EPHA6: variants seen among roughly 807,000 people sequenced by gnomAD.
The protein encoded by EPHA6 is EPH receptor A6, also known as ephrin type-A receptor 6.
In EPHA6, 50 loss-of-function variants were observed where a neutral mutation model predicts 112.0. That is an observed-to-expected ratio of 0.45 (90% CI 0.36 to 0.56). EPHA6 has a LOEUF of 0.56. Among genes scored for constraint, EPHA6 ranks in the 20% least tolerant of loss-of-function variants. The pLI, the probability that EPHA6 is intolerant of heterozygous loss-of-function variation, is 0.00. For missense variants in EPHA6, 1,280 were observed against 1,417.4 expected (o/e 0.90, Z 1.56); for synonymous variants, 529 against 490.7 (o/e 1.08, Z -1.03).
In EPHA6 at chr3:97,142,539, CTT is replaced by C. The variant is rs556803671; in HGVS notation, c.1115-83723_1115-83722del. On this transcript the variant is annotated intron_variant, in intron 3 of 17. Coordinates refer to ENST00000389672, the MANE Select transcript of EPHA6 (RefSeq NM_001080448.3). ...TCATCAGAGACTACTACTAGTATGT[CTT>C]TGTGTGTAAACTAGAAAACCTAGAG... is the stretch of plus-strand genomic sequence containing the variant. Among the ~76,000 whole-genome samples the C allele has an allele frequency of 4.7e-3, 709 of 152,062 alleles. 6 individuals carry two copies. Among genetic ancestry groups the C allele is most frequent in the African/African-American group, 0.015 (634 of 41,554 alleles).
intron 1 of EPHA6, among the ~76,000 whole-genome samples, chr3:96,840,527 T>G (rs1283593671): frequency 6.6e-6 from 1 of 151,926 alleles, no homozygotes; most frequent in Non-Finnish European, 1.5e-5. Context: ...TGAGCAAGAG[T>G]GATAGCAGCA....
At chr3:97,660,292 C>T (rs1231009599) in intron 14 of EPHA6, among the ~76,000 whole-genome samples, 2 of 151,996 alleles carry the variant, frequency 1.3e-5, no homozygotes, top group Non-Finnish European at 2.9e-5. Flanking sequence ...GTCACATTTT[C>T]ATCAATATAG....
chr3:97,022,081 A>G (rs2044481602), intron 3 of EPHA6, among the ~76,000 whole-genome samples: 1 of 152,162 alleles, frequency 6.6e-6, no homozygotes, highest in South Asian at 2.1e-4. Flanking sequence ...TTGTTGAATA[A>G]ATGTTTTCTT....
At chr3:97,324,728 T>C (rs534380113) in intron 5 of EPHA6, among the ~76,000 whole-genome samples, 3 of 151,950 alleles carry the variant, frequency 2.0e-5, no homozygotes, top group East Asian at 3.9e-4. Context: ...TTAGTAGAGA[T>C]GGGGTTTCAC....
intron 4 of EPHA6, among the ~76,000 whole-genome samples, chr3:97,241,981 A>T (rs899651498): frequency 6.6e-6 from 1 of 151,602 alleles, no homozygotes; most frequent in African/African-American, 2.4e-5. Flanking sequence ...TCCTAGACTA[A>T]GTCTAGGTTG....
At chr3:97,554,359 T>G (rs1362024099) in intron 11 of EPHA6, among the ~76,000 whole-genome samples, 1 of 152,162 alleles carries the variant, frequency 6.6e-6, no homozygotes, top group Non-Finnish European at 1.5e-5. Flanking sequence ...CACATTTATA[T>G]CTACACTTAT....
chr3:96,898,101 T>A (rs1394352367), intron 2 of EPHA6, among the ~76,000 whole-genome samples: 1 of 152,218 alleles, frequency 6.6e-6, no homozygotes, highest in African/African-American at 2.4e-5. Context: ...GTCTGTTTTG[T>A]TGCAAATATT....
chr3:96,971,628 A>G (rs1440481206), intron 2 of EPHA6, among the ~76,000 whole-genome samples: 1 of 152,188 alleles, frequency 6.6e-6, no homozygotes, highest in African/African-American at 2.4e-5. Flanking sequence ...TAGAATAAGA[A>G]GACTTCTTTA....
rs142889524 is a variant in EPHA6, at chr3:97,321,052, T to C, written c.1606+76765T>C. Among the ~76,000 whole-genome samples the C allele has an allele frequency of 1.9e-3, 294 of 152,082 alleles. 5 individuals carry two copies. The highest frequency in any genetic ancestry group is 7.0e-3 in the African/African-American group (288 of 41,420). On this transcript the variant is annotated intron_variant, in intron 5 of 17. Coordinates refer to ENST00000389672, the MANE Select transcript of EPHA6 (RefSeq NM_001080448.3). ...TTTTTTCTGTCTTTATTTTGACCTT[T>C]CATATGATTTCATCTAAGATTCATC...
At chr3:97,562,830 G>A (rs1263075234) in intron 11 of EPHA6, among the ~76,000 whole-genome samples, 5 of 152,102 alleles carry the variant, frequency 3.3e-5, no homozygotes, top group African/African-American at 7.2e-5. Flanking sequence ...CCCAACGTTC[G>A]GATACATCAG....
chr3:97,506,309 G>T (rs1232146842), intron 10 of EPHA6, among the ~76,000 whole-genome samples: 3 of 152,126 alleles, frequency 2.0e-5, no homozygotes, highest in African/African-American at 7.2e-5. Flanking sequence ...AGTTTTTATG[G>T]TTTTAGGTCT....
chr3:96,927,808 A>G (rs2040115574), intron 2 of EPHA6, among the ~76,000 whole-genome samples: 1 of 152,094 alleles, frequency 6.6e-6, no homozygotes, highest in African/African-American at 2.4e-5. Flanking sequence ...CCGGGTACCA[A>G]TTTCCTGTAT....
chr3:96,928,115 C>T (rs1215528358), intron 2 of EPHA6, among the ~76,000 whole-genome samples: 1 of 152,156 alleles, frequency 6.6e-6, no homozygotes, highest in Admixed American at 6.5e-5. Flanking sequence ...CAGGTCCTTC[C>T]CTGGACATGT....
At chr3:97,087,537 TGGGTG>T (rs2046940216) in intron 3 of EPHA6, among the ~76,000 whole-genome samples, 1 of 152,138 alleles carries the variant, frequency 6.6e-6, no homozygotes. Context: ...GCTAGGCAGG[TGGGTG>T]TTCAAAACCA....
intron 13 of EPHA6, among the ~76,000 whole-genome samples, chr3:97,616,531 T>C (rs1395940028): frequency 6.6e-6 from 1 of 152,080 alleles, no homozygotes; most frequent in Non-Finnish European, 1.5e-5. Context: ...CTAAAAATCA[T>C]GATAAAACAT....
intron 1 of EPHA6, among the ~76,000 whole-genome samples, chr3:96,835,193 C>A (rs943528363): frequency 6.6e-6 from 1 of 152,010 alleles, no homozygotes; most frequent in Non-Finnish European, 1.5e-5. Context: ...ATTGGCCCTG[C>A]ATTGGAGATA....
At chr3:97,358,765 G>T (rs1258529690) in intron 5 of EPHA6, among the ~76,000 whole-genome samples, 1 of 151,782 alleles carries the variant, frequency 6.6e-6, no homozygotes, top group Non-Finnish European at 1.5e-5. Flanking sequence ...AATTGACTCA[G>T]GTTTGTTTAT....
rs901779695 is a variant in EPHA6 at position 97,052,510 on chromosome 3, C to A, written c.1114+64517C>A. Among the ~76,000 whole-genome samples, 6 of 152,164 alleles carry A rather than the reference C, an allele frequency of 3.9e-5. No individual in the cohort carries two copies. The East Asian group carries it at 1.2e-3, about 29-fold the overall frequency. On this transcript the variant is annotated intron_variant, in intron 3 of 17. Transcript: ENST00000389672. ...TTTGTAGCTCCCTTAACAATGTCTG[C>A]AACATAGTCGCCACTCAATATTTGT... is the stretch of plus-strand genomic sequence containing the variant.
At position 97,541,898 on chromosome 3, in the gene EPHA6, G is replaced by T. The variant is rs547772126; in HGVS notation, c.2386+9355G>T. Among the ~76,000 whole-genome samples, 13 of 151,566 alleles carry T rather than the reference G, an allele frequency of 8.6e-5. 1 individual carries two copies. The South Asian group carries it at 2.7e-3, about 32-fold the overall frequency. ...TAATAGGATATATATATATAAAGGG[G>T]AGTTAATATTAAGTATTAACTCACA... On this transcript the variant is annotated intron_variant, in intron 11 of 17. Coordinates refer to ENST00000389672, the MANE Select transcript of EPHA6 (RefSeq NM_001080448.3).
Sources: gnomAD v4.1 joint callset for allele counts (sites outside exome capture counted in the v4.1 genomes callset) on GRCh38, gnomAD v4.1.1 for gene constraint, MANE v1.5 for transcripts, NCBI Gene and HGNC (gene_info 2026-07-23, HGNC 2026-07-21) for gene names.